The following ARID1B variants were observed in gnomAD, a reference collection of about 807,000 sequenced individuals.
ARID1B encodes the protein AT-rich interaction domain 1B.
ARID1B carries 30 observed loss-of-function variants against 212.3 expected under a neutral mutation model. That is an observed-to-expected ratio of 0.14 (90% confidence interval 0.11 to 0.19). The LOEUF is 0.19. Among genes scored for constraint, ARID1B ranks in the 10% least tolerant of loss-of-function variants. The pLI is 1.00. For missense variants in ARID1B, 2,891 were observed against 3,204.0 expected, an observed-to-expected ratio of 0.90 and a Z score of 2.36; for synonymous variants, 1,402 against 1,301.7, an observed-to-expected ratio of 1.08 and a Z score of -1.66.
chr6:157,008,194 A>G (rs1054272364), intron 4 of ARID1B, among the ~76,000 whole-genome samples: 1 of 152,090 alleles, frequency 6.6e-6, no homozygotes, highest in African/African-American at 2.4e-5. Flanking sequence ...AACGATTTTT[A>G]AGCACACATA....
chr6:156,971,612 C>T (rs1052642338), intron 4 of ARID1B, among the ~76,000 whole-genome samples: 1 of 152,118 alleles, frequency 6.6e-6, no homozygotes, highest in African/African-American at 2.4e-5. Context: ...GAATTCTCTG[C>T]CCAGAATCTC....
At chr6:157,075,840 C>T (rs544353622) in intron 4 of ARID1B, among the ~76,000 whole-genome samples, 5 of 152,186 alleles carry the variant, frequency 3.3e-5, no homozygotes, top group East Asian at 1.9e-4. Context: ...CTGACAAGTA[C>T]TCTTCAACTG....
chr6:157,043,604 G>C (rs1383997981), intron 4 of ARID1B, among the ~76,000 whole-genome samples: 1 of 152,046 alleles, frequency 6.6e-6, no homozygotes, highest in Non-Finnish European at 1.5e-5. Flanking sequence ...TGATGATTAA[G>C]AGTTTTACTG....
At chr6:157,027,809 A>C (rs1483711347) in intron 4 of ARID1B, among the ~76,000 whole-genome samples, 1 of 152,186 alleles carries the variant, frequency 6.6e-6, no homozygotes, top group Non-Finnish European at 1.5e-5. Flanking sequence ...ACTTTGTAAC[A>C]ACTTTCAGCT....
At position 157,200,384 on chromosome 6, in the gene ARID1B, G is replaced by A. The variant is rs570637839; in HGVS notation, c.4480-321G>A. Among the ~76,000 whole-genome samples, 8 of 152,122 alleles carry A rather than the reference G, an allele frequency of 5.3e-5. No individual in the cohort carries two copies. The East Asian group carries it at 1.2e-3, about 22-fold the overall frequency. Reference sequence around the variant, plus strand: ...TGCTGTGGTCCTAGTGCAGCTCCCAGCCCGGGAGCCGTCTGCCTGTGTGGG... The same window carrying A: ...TGCTGTGGTCCTAGTGCAGCTCCCAACCCGGGAGCCGTCTGCCTGTGTGGG... On this transcript the variant is annotated intron_variant, in intron 17 of 19. Coordinates refer to ENST00000636930, the MANE Select transcript of ARID1B (RefSeq NM_001374828.1). This position sits in a 1 kb window ranked among gnomAD's most constrained non-coding sequence, Gnocchi z 4.3.
intron 2 of ARID1B, among the ~76,000 whole-genome samples, chr6:156,877,744 C>A (rs1001098485): frequency 6.6e-6 from 1 of 150,936 alleles, no homozygotes; most frequent in Non-Finnish European, 1.5e-5. Flanking sequence ...GAGTCTCGCT[C>A]TGTCACCCAG....
chr6:156,897,839 T>C (rs1039718892), intron 2 of ARID1B, among the ~76,000 whole-genome samples: 14 of 152,116 alleles, frequency 9.2e-5, no homozygotes, highest in African/African-American at 3.4e-4. Flanking sequence ...TTCAAGAGAT[T>C]TCCATATTAT....
chr6:156,905,250 G>GCGCGCACACACACACACACA (rs1554265935), intron 3 of ARID1B, among the ~76,000 whole-genome samples: 37 of 143,838 alleles, frequency 2.6e-4, no homozygotes, highest in African/African-American at 9.1e-4. Flanking sequence ...ACATATGCAC[G>GCGCGCACACACACACACACA]CACACACACA....
intron 4 of ARID1B, chr6:156,939,815 T>C (rs1792530868): frequency 6.6e-6 from 1 of 152,246 alleles, no homozygotes; most frequent in Admixed American, 6.5e-5. Flanking sequence ...AAAAGCATTC[T>C]GTTCTTAGTA....
chr6:157,198,035 A>G (rs150793544), intron 16 of ARID1B, among the ~76,000 whole-genome samples: 1 of 152,378 alleles, frequency 6.6e-6, no homozygotes, highest in African/African-American at 2.4e-5. Context: ...TTCTTACAAG[A>G]TTTAGTATAT....
chr6:157,125,332 C>CT (rs1788063963), intron 6 of ARID1B, among the ~76,000 whole-genome samples: 1 of 152,176 alleles, frequency 6.6e-6, no homozygotes, highest in African/African-American at 2.4e-5. Context: ...TCAATGCTGG[C>CT]TTTTCTTGTG....
chr6:156,821,951 G>C (rs1412904203), intron 1 of ARID1B, among the ~76,000 whole-genome samples: 2 of 152,104 alleles, frequency 1.3e-5, no homozygotes, highest in African/African-American at 4.8e-5. Context: ...AGAGGGCACC[G>C]ATAATTTCAT....
At position 156,906,695 on chromosome 6, in the gene ARID1B, G is replaced by A. The variant is rs537100271; in HGVS notation, c.2136+5170G>A. Among the ~76,000 whole-genome samples, 8 of 152,068 alleles carry A rather than the reference G, an allele frequency of 5.3e-5. No homozygotes were observed. The East Asian group carries it at 1.2e-3, about 22-fold the overall frequency. On this transcript the variant is annotated intron_variant, in intron 3 of 19. Transcript: ENST00000636930. ...GCTGTAGAAACCATGCAGTCCGCTG[G>A]CTCTTCTGCCTGGTTTTCCAATGCT...
At chr6:157,101,607 A>G (rs1180423990) in intron 5 of ARID1B, among the ~76,000 whole-genome samples, 2 of 152,140 alleles carry the variant, frequency 1.3e-5, no homozygotes, top group African/African-American at 2.4e-5. Flanking sequence ...GAAGAATATA[A>G]TTTAGGACAT....
At chr6:156,933,044 G>A (rs1791880035) in intron 3 of ARID1B, among the ~76,000 whole-genome samples, 1 of 152,148 alleles carries the variant, frequency 6.6e-6, no homozygotes, top group African/African-American at 2.4e-5. Flanking sequence ...AGCTTTCATA[G>A]TCTGTTAGTC....
At chr6:156,863,149 G>C (rs1436775329) in intron 2 of ARID1B, among the ~76,000 whole-genome samples, 1 of 152,150 alleles carries the variant, frequency 6.6e-6, no homozygotes, top group East Asian at 1.9e-4. Context: ...CCTGCTGCTT[G>C]TGGGGATAAG....
intron 4 of ARID1B, among the ~76,000 whole-genome samples, chr6:157,043,606 G>A (rs1182368692): frequency 6.6e-6 from 1 of 152,120 alleles, no homozygotes. Flanking sequence ...ATGATTAAGA[G>A]TTTTACTGAT....
At chr6:157,191,102 T>G (rs1047023393) in intron 15 of ARID1B, among the ~76,000 whole-genome samples, 2 of 151,282 alleles carry the variant, frequency 1.3e-5, no homozygotes, top group African/African-American at 2.4e-5. Context: ...ATGTGAGTAG[T>G]TTTTTTTTGT....
chr6:156,867,899 T>A (rs1785821815), intron 2 of ARID1B, among the ~76,000 whole-genome samples: 1 of 152,218 alleles, frequency 6.6e-6, no homozygotes, highest in African/African-American at 2.4e-5. Flanking sequence ...GTTTCAGAAA[T>A]AATTTTAATG....
Sources: allele counts gnomAD v4.1 joint callset (sites outside exome capture counted in the v4.1 genomes callset), GRCh38; gene constraint gnomAD v4.1.1; non-coding constraint Gnocchi (gnomAD v3.1); transcripts MANE v1.5; gene names NCBI Gene and HGNC (gene_info 2026-07-23, HGNC 2026-07-21).